The following MPHOSPH6 variants were observed in gnomAD, a reference collection of about 807,000 sequenced individuals.
The protein encoded by MPHOSPH6 is M-phase phosphoprotein 6.
In MPHOSPH6, 25 loss-of-function variants were observed where a neutral mutation model predicts 21.8. That is an observed-to-expected ratio of 1.15 (90% CI 0.83 to 1.60). MPHOSPH6 has a LOEUF of 1.60. MPHOSPH6 is among the 40% of genes most tolerant of loss of function. The probability of loss-of-function intolerance (pLI) is 0.00; values close to 1 mark genes in which losing one functional copy is unlikely to be tolerated. For synonymous variants in MPHOSPH6, 84 were observed against 56.5 expected (o/e 1.49, Z -2.18); for missense variants, 269 against 181.8 (o/e 1.48, Z -2.76).
At chr16:82,159,313 G>GC (rs1194214612) in intron 2 of MPHOSPH6, among the ~76,000 whole-genome samples, 1 of 152,078 alleles carries the variant, frequency 6.6e-6, no homozygotes, top group African/African-American at 2.4e-5. Flanking sequence ...AATGTGTTAG[G>GC]TAATGAATTT....
intron 1 of MPHOSPH6, among the ~76,000 whole-genome samples, chr16:82,166,444 TC>T (rs1297087369): frequency 2.0e-5 from 3 of 152,344 alleles, no homozygotes; most frequent in African/African-American, 7.2e-5. Context: ...TGGTAAGACT[TC>T]CTGGTTGGCA....
chr16:82,152,899 C>A (rs571706900), intron 2 of MPHOSPH6, among the ~76,000 whole-genome samples: 6 of 152,176 alleles, frequency 3.9e-5, no homozygotes, highest in African/African-American at 1.4e-4. Context: ...CATAAAGATT[C>A]CCTTATGCAA....
intron 1 of MPHOSPH6, among the ~76,000 whole-genome samples, chr16:82,165,853 G>A (rs76877364): frequency 0.088 from 9,619 of 109,642 alleles, 547 homozygotes; most frequent in African/African-American, 0.17. Context: ...GCATGTTTCA[G>A]AACGTATCCC....
rs1244042673 is a variant in MPHOSPH6, at chr16:82,151,608, T to G, written c.165-94A>C. ...ATAAAAAAAATAATCAACCTATGGTTCTCAGTAGAATGAAGTAAAAATACA... is the reference window on the plus strand; with the variant it reads ...ATAAAAAAAATAATCAACCTATGGTGCTCAGTAGAATGAAGTAAAAATACA... On this transcript the variant is annotated intron_variant, in intron 2 of 4. Coordinates refer to ENST00000258169, the MANE Select transcript of MPHOSPH6 (RefSeq NM_005792.2). 8.6e-6 allele frequency: 12 copies of G among 1,396,468 alleles called. No homozygotes were observed. In the East Asian group the frequency reaches 2.7e-4, roughly 31 times the overall value. The allele number at this position is 1,396,468 out of a possible 1,614,324, so 86.5% of individuals were successfully genotyped here.
chr16:82,164,181 C>A lies in MPHOSPH6; in HGVS notation c.65G>T (p.Gly22Val), dbSNP rs1206395731. 1 of 1,608,942 alleles carries A rather than the reference C, an allele frequency of 6.2e-7. No individual in the cohort carries two copies. The highest frequency in any genetic ancestry group is 8.5e-7 in the Non-Finnish European group (1 of 1,178,782). Reference sequence around the variant, plus strand: ...TTGTTTCTTGGTTTCTGAGTCCAGTCCCCTTTGCATAAACTGTGAAAACAA... The same window carrying A: ...TTGTTTCTTGGTTTCTGAGTCCAGTACCCTTTGCATAAACTGTGAAAACAA... ...NLLRMKFMQRGLDSETKKQLE... is the reference protein window; with the variant it reads ...NLLRMKFMQRVLDSETKKQLE... Residue 22 changes from glycine to valine, a missense_variant, in exon 2 of 5, where the codon GGA becomes GTA. By Grantham distance (109) the Gly-to-Val change is moderately radical. Transcript: ENST00000258169.
chr16:82,159,804 T>A (rs148877742), intron 2 of MPHOSPH6, among the ~76,000 whole-genome samples: 1 of 152,196 alleles, frequency 6.6e-6, no homozygotes, highest in Non-Finnish European at 1.5e-5. Flanking sequence ...GGCCCTCTAG[T>A]CTGGCTAGAA....
intron 2 of MPHOSPH6, among the ~76,000 whole-genome samples, chr16:82,153,165 G>C (rs1334391862): frequency 6.6e-6 from 1 of 152,148 alleles, no homozygotes; most frequent in Non-Finnish European, 1.5e-5. Context: ...TGCTCTCCTG[G>C]AGGTTACAGT....
intron 2 of MPHOSPH6, among the ~76,000 whole-genome samples, chr16:82,155,331 T>C (rs1221430075): frequency 6.6e-6 from 1 of 152,204 alleles, no homozygotes; most frequent in Non-Finnish European, 1.5e-5. Context: ...TCCTTAGCCA[T>C]GAAATAAATC....
At chr16:82,156,841 C>T (rs754430677) in intron 2 of MPHOSPH6, among the ~76,000 whole-genome samples, 4 of 151,990 alleles carry the variant, frequency 2.6e-5, no homozygotes, top group African/African-American at 4.8e-5. Flanking sequence ...CCGAGGCCAG[C>T]GATCACCTGA....
chr16:82,163,881 G>A (rs1002267774), intron 2 of MPHOSPH6: 1 of 477,586 alleles, frequency 2.1e-6, no homozygotes, highest in Non-Finnish European at 3.6e-6. Context: ...CAAAATAGTG[G>A]CTGGGAGGGG....
chr16:82,164,154 A>G lies in MPHOSPH6; in HGVS notation c.92T>C (p.Leu31Pro). 1 of 1,612,068 alleles carries G rather than the reference A, an allele frequency of 6.2e-7. No homozygotes were observed. Among genetic ancestry groups the G allele is most frequent in the East Asian group, 2.2e-5 (1 of 44,858 alleles). Residue 31 changes from leucine (L) to proline (P), a missense_variant, in exon 2 of 5, where the codon CTA becomes CCA. Physicochemically the swap from Leu to Pro is moderately conservative, Grantham distance 98 (BLOSUM62 -3). Coordinates refer to ENST00000258169, the MANE Select transcript of MPHOSPH6 (RefSeq NM_005792.2). ...AATGATTTTCTTTTCTTCTTCTTCT[A>G]GTTGTTTCTTGGTTTCTGAGTCCAG... ...RGLDSETKKQLEEEEKKIISE... is the reference protein window; with the variant it reads ...RGLDSETKKQPEEEEKKIISE...
intron 2 of MPHOSPH6, among the ~76,000 whole-genome samples, chr16:82,161,798 C>G (rs1906615811): frequency 6.6e-6 from 1 of 152,192 alleles, no homozygotes; most frequent in African/African-American, 2.4e-5. Context: ...GCAGCTAGAT[C>G]ATCATTCCCC....
intron 3 of MPHOSPH6, 168 bp downstream of exon 3, chr16:82,151,256 C>G (rs1424809245): frequency 1.1e-6 from 1 of 924,998 alleles, no homozygotes. Context: ...TAAAACTAGA[C>G]TGCAATGCCT....
In MPHOSPH6 at chr16:82,149,389, C is replaced by G. The variant is rs1049941643; in HGVS notation, c.270G>C (p.Gln90His). 1 of 1,612,300 alleles carries G rather than the reference C, an allele frequency of 6.2e-7. No individual in the cohort carries two copies. The highest frequency in any genetic ancestry group is 2.2e-5 in the East Asian group (1 of 44,884). The change falls in exon 4 of 5, where the codon CAG becomes CAC. Residue 90 changes from glutamine to histidine, a missense_variant. By Grantham distance (24) the Gln-to-His change is conservative (BLOSUM62 0). Coordinates refer to ENST00000258169, the MANE Select transcript of MPHOSPH6 (RefSeq NM_005792.2). ...FNPEVEKLMLQMNAKHKAEEV... is the reference protein window; with the variant it reads ...FNPEVEKLMLHMNAKHKAEEV... ...CTTCTGCTTTGTGCTTAGCATTCAT[C>G]TGAAGCATCAATTTCTGAAAAATAC...
At position 82,164,165 on chromosome 16, in the gene MPHOSPH6, G is replaced by A; in HGVS notation, c.81C>T (p.Thr27=). The change falls in exon 2 of 5, where the codon ACC becomes ACT. Residue 27 remains threonine (T), a synonymous_variant. Transcript: ENST00000258169. The stretch of plus-strand genomic sequence containing the variant: ...TTTCTTCTTCTTCTAGTTGTTTCTT[G>A]GTTTCTGAGTCCAGTCCCCTTTGCA... ...KFMQRGLDSE[T]KKQLEEEEKK... 6.2e-7 allele frequency: 1 copy of A among 1,611,078 alleles called. No homozygotes were observed. The highest frequency in any genetic ancestry group is 8.5e-7 in the Non-Finnish European group (1 of 1,179,736).
At chr16:82,151,379 A>G (rs1906259208) in intron 3 of MPHOSPH6, 45 bp downstream of exon 3, 1 of 1,598,554 alleles carries the variant, frequency 6.3e-7, no homozygotes, top group East Asian at 2.2e-5. Context: ...GCAGAAAAAA[A>G]TTCAATTGGA....
chr16:82,157,830 G>A (rs1906476541), intron 2 of MPHOSPH6, among the ~76,000 whole-genome samples: 1 of 152,192 alleles, frequency 6.6e-6, no homozygotes, highest in South Asian at 2.1e-4. Flanking sequence ...GCCCTGAGAA[G>A]GGAATCTAAC....
chr16:82,168,211 C>G (rs1215370005), intron 1 of MPHOSPH6, among the ~76,000 whole-genome samples: 1 of 152,160 alleles, frequency 6.6e-6, no homozygotes, highest in African/African-American at 2.4e-5. Flanking sequence ...CTGGCTTATT[C>G]CAAGAGCTAA....
At chr16:82,152,964 C>T (rs111712342) in intron 2 of MPHOSPH6, among the ~76,000 whole-genome samples, 157 of 152,274 alleles carry the variant, frequency 1.0e-3, no homozygotes, top group Non-Finnish European at 1.6e-3. Context: ...GAAACAGCCA[C>T]CAGTAAAAGA....
Sources: allele counts gnomAD v4.1 joint callset (sites outside exome capture counted in the v4.1 genomes callset), GRCh38; gene constraint gnomAD v4.1.1; transcripts MANE v1.5; gene names NCBI Gene and HGNC (gene_info 2026-07-23, HGNC 2026-07-21).